Variants in HS3ST5 observed in about 807,000 individuals in gnomAD.
HS3ST5 encodes the protein heparan sulfate-glucosamine 3-sulfotransferase 5, also known as heparan sulfate glucosamine 3-O-sulfotransferase 5.
HS3ST5 carries 10 observed loss-of-function variants against 25.4 expected under a neutral mutation model. The observed-to-expected ratio is 0.39, with a 90% CI of 0.24 to 0.67. HS3ST5 has a LOEUF of 0.67. Among genes scored for constraint, HS3ST5 ranks in the 30% least tolerant of loss-of-function variants. The pLI, the probability that HS3ST5 is intolerant of heterozygous loss-of-function variation, is 0.44. For missense variants in HS3ST5, 324 were observed against 420.7 expected, an observed-to-expected ratio of 0.77 and a Z score of 2.01; for synonymous variants, 170 against 162.4, an observed-to-expected ratio of 1.05 and a Z score of -0.36.
At chr6:114,096,992 G>A (rs1028443874) in intron 3 of HS3ST5, among the ~76,000 whole-genome samples, 49 of 152,008 alleles carry the variant, frequency 3.2e-4, no homozygotes, top group African/African-American at 1.2e-3. Context: ...GATAAAGAAA[G>A]GAATAATGTG....
intron 2 of HS3ST5, among the ~76,000 whole-genome samples, chr6:114,215,077 G>A (rs959147430): frequency 2.0e-5 from 3 of 152,182 alleles, no homozygotes; most frequent in South Asian, 2.1e-4. Flanking sequence ...AGGCCGAGGC[G>A]GGCAGATCAC....
intron 3 of HS3ST5, among the ~76,000 whole-genome samples, chr6:114,121,633 CAT>C (rs1460161599): frequency 1.3e-5 from 2 of 151,884 alleles, no homozygotes; most frequent in East Asian, 1.9e-4. Flanking sequence ...CACTTAATCA[CAT>C]GTTAAAAGAA....
intron 1 of HS3ST5, among the ~76,000 whole-genome samples, chr6:114,259,099 T>C (rs896427557): frequency 2.6e-5 from 4 of 152,196 alleles, no homozygotes; most frequent in South Asian, 2.1e-4. Flanking sequence ...TTGTTATTGA[T>C]TTGTACCTTC....
chr6:114,062,573 C>T (rs1411714965), intron 4 of HS3ST5, among the ~76,000 whole-genome samples, 166 bp downstream of exon 4: 7 of 152,164 alleles, frequency 4.6e-5, no homozygotes, highest in Admixed American at 4.6e-4. Flanking sequence ...ACTTGGATCT[C>T]TCTCTTTTAA....
chr6:114,126,894 G>A (rs1254260047), intron 3 of HS3ST5, among the ~76,000 whole-genome samples: 1 of 152,166 alleles, frequency 6.6e-6, no homozygotes, highest in Non-Finnish European at 1.5e-5. Flanking sequence ...AGAAGAATTA[G>A]GTTCAAATGA....
intron 3 of HS3ST5, among the ~76,000 whole-genome samples, chr6:114,149,312 C>A (rs943991847): frequency 6.6e-6 from 1 of 152,150 alleles, no homozygotes. Flanking sequence ...TTTACAATAG[C>A]AAAGACTTGA....
intron 1 of HS3ST5, among the ~76,000 whole-genome samples, chr6:114,259,216 T>C (rs1211687036): frequency 6.6e-6 from 1 of 152,234 alleles, no homozygotes; most frequent in Admixed American, 6.5e-5. Flanking sequence ...ATGGGAATCA[T>C]TTCCTGTAGC....
intron 2 of HS3ST5, among the ~76,000 whole-genome samples, chr6:114,173,928 T>C (rs1253090156): frequency 2.0e-5 from 3 of 152,062 alleles, no homozygotes; most frequent in South Asian, 2.1e-4. Flanking sequence ...AAATGCTTTG[T>C]TTATTGGCAA....
intron 1 of HS3ST5, among the ~76,000 whole-genome samples, chr6:114,269,093 T>A (rs1022362491): frequency 3.3e-5 from 5 of 152,314 alleles, no homozygotes; most frequent in Middle Eastern, 3.4e-3. Context: ...TATAAGCTAG[T>A]CACATTTTTG....
intron 3 of HS3ST5, among the ~76,000 whole-genome samples, chr6:114,145,640 G>A (rs1247022678): frequency 6.6e-6 from 1 of 152,190 alleles, no homozygotes; most frequent in African/African-American, 2.4e-5. Context: ...CCAGGTACGT[G>A]GAGCAGGCAG....
intron 2 of HS3ST5, among the ~76,000 whole-genome samples, chr6:114,208,603 C>T (rs185145076): frequency 2.6e-5 from 4 of 152,282 alleles, no homozygotes; most frequent in African/African-American, 9.6e-5. Flanking sequence ...CAGGAGACCC[C>T]ATCCTTTCAA....
chr6:114,254,041 TA>T (rs1387635181), intron 1 of HS3ST5, among the ~76,000 whole-genome samples: 1 of 151,740 alleles, frequency 6.6e-6, no homozygotes, highest in African/African-American at 2.4e-5. Context: ...GAGAGAGGCC[TA>T]AAAGGAGAGG....
chr6:114,306,256 T>TATATAC (rs756494412), intron 1 of HS3ST5, among the ~76,000 whole-genome samples: 96 of 115,404 alleles, frequency 8.3e-4, no homozygotes, highest in African/African-American at 2.8e-3. Context: ...TATATATATA[T>TATATAC]ACACACACAC....
chr6:114,098,863 CAT>C (rs1457235371), intron 3 of HS3ST5, among the ~76,000 whole-genome samples: 3 of 151,990 alleles, frequency 2.0e-5, no homozygotes, highest in Non-Finnish European at 4.4e-5. Context: ...TACATACACA[CAT>C]ATATGTGTAC....
At chr6:114,260,842 A>G (rs538617260) in intron 1 of HS3ST5, among the ~76,000 whole-genome samples, 6 of 152,202 alleles carry the variant, frequency 3.9e-5, no homozygotes, top group Non-Finnish European at 8.8e-5. Context: ...TGGCTGGAAT[A>G]TAAAATGGCA....
At chr6:114,082,496 T>C (rs560438651) in intron 3 of HS3ST5, among the ~76,000 whole-genome samples, 1 of 152,288 alleles carries the variant, frequency 6.6e-6, no homozygotes, top group South Asian at 2.1e-4. Flanking sequence ...GCAAAACACC[T>C]TCACGGGGAC....
chr6:114,279,705 G>A (rs1271247784), intron 1 of HS3ST5, among the ~76,000 whole-genome samples: 1 of 151,984 alleles, frequency 6.6e-6, no homozygotes, highest in African/African-American at 2.4e-5. Flanking sequence ...AGCAGAAGTA[G>A]GAGTACCAGA....
chr6:114,274,591 A>G (rs1773771135), intron 1 of HS3ST5, among the ~76,000 whole-genome samples: 2 of 152,102 alleles, frequency 1.3e-5, no homozygotes, highest in South Asian at 4.1e-4. Context: ...GAATCAATGG[A>G]TCACAGGCCT....
chr6:114,300,313 A>C (rs1253025132), intron 1 of HS3ST5, among the ~76,000 whole-genome samples: 1 of 152,190 alleles, frequency 6.6e-6, no homozygotes, highest in Non-Finnish European at 1.5e-5. Flanking sequence ...TAAATATACA[A>C]AAAAATCCAA....
Sources: allele counts gnomAD v4.1 joint callset (sites outside exome capture counted in the v4.1 genomes callset), GRCh38; gene constraint gnomAD v4.1.1; transcripts MANE v1.5; gene names NCBI Gene and HGNC (gene_info 2026-07-23, HGNC 2026-07-21).